Variants in PRKG1 observed in about 807,000 individuals in gnomAD.
PRKG1 encodes the protein protein kinase cGMP-dependent 1, also known as cGMP-dependent protein kinase 1.
Under a neutral mutation model 88.1 loss-of-function variants are expected in PRKG1, and 35 were observed. The ratio of observed to expected loss-of-function variants is 0.40; its 90% CI spans 0.30 to 0.53. The LOEUF is 0.53. Ranked by LOEUF, PRKG1 falls within the 20% of genes least tolerant of loss-of-function variation. The pLI, the probability that PRKG1 is intolerant of heterozygous loss-of-function variation, is 0.59. For synonymous variants in PRKG1, 303 were observed against 292.5 expected, an observed-to-expected ratio of 1.04 and a Z score of -0.37; for missense variants, 540 against 839.8, an observed-to-expected ratio of 0.64 and a Z score of 4.41.
chr10:51,655,857 C>T (rs528430155), intron 3 of PRKG1, among the ~76,000 whole-genome samples: 14 of 152,104 alleles, frequency 9.2e-5, no homozygotes, highest in East Asian at 7.7e-4. Context: ...ATTCCTATCA[C>T]GAAATATTGG....
At chr10:51,969,251 C>A (rs1459852141) in intron 5 of PRKG1, among the ~76,000 whole-genome samples, 1 of 152,150 alleles carries the variant, frequency 6.6e-6, no homozygotes, top group Non-Finnish European at 1.5e-5. Flanking sequence ...CAATTTCTGG[C>A]ATCTCTTGTC....
intron 3 of PRKG1, among the ~76,000 whole-genome samples, chr10:51,787,650 C>G (rs1838762293): frequency 6.6e-6 from 1 of 152,138 alleles, no homozygotes; most frequent in South Asian, 2.1e-4. Flanking sequence ...ATGGTGCGAG[C>G]AAATATTTGA....
At chr10:51,059,644 A>G (rs1843672539) in intron 1 of PRKG1, among the ~76,000 whole-genome samples, 1 of 152,146 alleles carries the variant, frequency 6.6e-6, no homozygotes, top group African/African-American at 2.4e-5. Context: ...TATTGAGTTA[A>G]TTTTTGTTCA....
At chr10:51,875,724 C>G (rs1211492980) in intron 4 of PRKG1, among the ~76,000 whole-genome samples, 2 of 151,958 alleles carry the variant, frequency 1.3e-5, no homozygotes, top group Non-Finnish European at 2.9e-5. Context: ...ATACTTAAAG[C>G]AAAAAGGGAA....
At chr10:51,587,196 T>G (rs1838194243) in intron 3 of PRKG1, among the ~76,000 whole-genome samples, 1 of 152,144 alleles carries the variant, frequency 6.6e-6, no homozygotes, top group Non-Finnish European at 1.5e-5. Flanking sequence ...CACTTCTAAA[T>G]ACTCATAGAG....
chr10:52,008,702 G>A (rs911579680), intron 5 of PRKG1, among the ~76,000 whole-genome samples: 2 of 151,962 alleles, frequency 1.3e-5, no homozygotes, highest in African/African-American at 2.4e-5. Flanking sequence ...AAGAAGAGCT[G>A]GTTTTTAAAA....
chr10:52,088,475 G>A (rs1846972049), intron 7 of PRKG1, among the ~76,000 whole-genome samples: 1 of 152,056 alleles, frequency 6.6e-6, no homozygotes, highest in South Asian at 2.1e-4. Context: ...CAATACAACA[G>A]TACTACGAGA....
chr10:51,965,581 G>T (rs1479455758), intron 5 of PRKG1, among the ~76,000 whole-genome samples: 1 of 152,158 alleles, frequency 6.6e-6, no homozygotes, highest in Non-Finnish European at 1.5e-5. Flanking sequence ...TAAGAAGGAA[G>T]TTCTATGATT....
intron 1 of PRKG1, among the ~76,000 whole-genome samples, chr10:51,045,229 A>G (rs1212647783): frequency 2.0e-5 from 3 of 152,256 alleles, no homozygotes; most frequent in Non-Finnish European, 4.4e-5. Flanking sequence ...AGACTGAATT[A>G]TATCAGGCAA....
chr10:52,128,308 A>G (rs868534888), intron 7 of PRKG1: 1 of 985,420 alleles, frequency 1.0e-6, no homozygotes, highest in Non-Finnish European at 1.2e-6. Context: ...CTACTCTGAC[A>G]GCTACTTTGT....
intron 4 of PRKG1, among the ~76,000 whole-genome samples, chr10:51,833,086 A>T (rs1333815409): frequency 6.6e-6 from 1 of 152,162 alleles, no homozygotes; most frequent in Non-Finnish European, 1.5e-5. Context: ...TCCTTAAAGA[A>T]AAGGCTCATT....
chr10:51,183,993 G>A (rs1194108096), intron 2 of PRKG1, among the ~76,000 whole-genome samples: 3 of 152,094 alleles, frequency 2.0e-5, no homozygotes. Context: ...ACTCTAGACA[G>A]GCATGACCAA....
chr10:52,262,264 T>G (rs548817092), intron 10 of PRKG1, among the ~76,000 whole-genome samples: 58 of 152,168 alleles, frequency 3.8e-4, no homozygotes, highest in Non-Finnish European at 7.6e-4. Flanking sequence ...AAGCTGGTTT[T>G]TTTTGTTTGT....
intron 10 of PRKG1, among the ~76,000 whole-genome samples, chr10:52,266,271 G>T (rs1255617760): frequency 6.6e-6 from 1 of 151,336 alleles, no homozygotes; most frequent in African/African-American, 2.4e-5. Context: ...TGTTACATAG[G>T]TAAACATGTA....
At chr10:52,215,232 T>TA (rs35651646) in intron 9 of PRKG1, among the ~76,000 whole-genome samples, 23,834 of 151,314 alleles carry the variant, frequency 0.16, 2,719 homozygotes, top group East Asian at 0.52. Context: ...CCATCTCTAC[T>TA]AAAATACAAA....
intron 9 of PRKG1, among the ~76,000 whole-genome samples, chr10:52,211,700 A>T (rs1038474455): frequency 7.2e-4 from 26 of 35,974 alleles, no homozygotes; most frequent in African/African-American, 2.6e-3. Context: ...CTATCCTGGT[A>T]AAAAAAAAAA....
intron 9 of PRKG1, chr10:52,184,741 C>T (rs1315856519): frequency 6.6e-6 from 1 of 152,152 alleles, no homozygotes; most frequent in Non-Finnish European, 1.5e-5. Context: ...CCTCAGAAAG[C>T]TTCCAATTAT....
intron 4 of PRKG1, among the ~76,000 whole-genome samples, chr10:51,899,772 C>T (rs1841941041): frequency 6.6e-6 from 1 of 150,480 alleles, no homozygotes; most frequent in Non-Finnish European, 1.5e-5. Flanking sequence ...ATGTGTGGCC[C>T]CCTCCCAATC....
At chr10:51,396,563 G>A (rs1488931559) in intron 2 of PRKG1, among the ~76,000 whole-genome samples, 1 of 152,204 alleles carries the variant, frequency 6.6e-6, no homozygotes, top group African/African-American at 2.4e-5. Context: ...ATCTTTCAGT[G>A]ATGGTTAGCG....
Sources: gnomAD v4.1 joint callset for allele counts (sites outside exome capture counted in the v4.1 genomes callset) on GRCh38, gnomAD v4.1.1 for gene constraint, MANE v1.5 for transcripts, NCBI Gene and HGNC (gene_info 2026-07-23, HGNC 2026-07-21) for gene names.